Variants in PLXNA4 observed in about 807,000 individuals in gnomAD.
PLXNA4 encodes plexin A4, also known as plexin-A4.
A neutral mutation model predicts 191.8 loss-of-function variants in PLXNA4; 44 were observed. The observed-to-expected ratio is 0.23, with a 90% CI of 0.18 to 0.29. The LOEUF (loss-of-function observed/expected upper bound fraction) is 0.29, where lower values mean the gene tolerates loss of function less well. PLXNA4 is among the 10% of genes least tolerant of loss of function. The pLI, the probability that PLXNA4 is intolerant of heterozygous loss-of-function variation, is 1.00. For synonymous variants in PLXNA4, 1,082 were observed against 1,009.5 expected (o/e 1.07, Z -1.36); for missense variants, 1,800 against 2,488.8 (o/e 0.72, Z 5.89).
At chr7:132,280,983 C>T (rs919572350) in intron 4 of PLXNA4, among the ~76,000 whole-genome samples, 2 of 151,910 alleles carry the variant, frequency 1.3e-5, no homozygotes, top group African/African-American at 4.8e-5. Context: ...CATCATAGCA[C>T]TATCAAACCT....
chr7:132,168,165 C>T, intron 22 of PLXNA4, 139 bp downstream of exon 22: 1 of 1,276,046 alleles, frequency 7.8e-7, no homozygotes, highest in Non-Finnish European at 1.0e-6. Flanking sequence ...GCAATGTAGT[C>T]CTGGCTCTGG....
intron 3 of PLXNA4, among the ~76,000 whole-genome samples, chr7:132,463,269 T>C (rs973703824): frequency 6.6e-6 from 1 of 152,144 alleles, no homozygotes; most frequent in Admixed American, 6.6e-5. Flanking sequence ...TTGGAAGGTA[T>C]TATCCAGCAC....
chr7:132,204,123 C>T (rs1262700271), intron 10 of PLXNA4, among the ~76,000 whole-genome samples: 2 of 152,190 alleles, frequency 1.3e-5, no homozygotes, highest in Non-Finnish European at 2.9e-5. Context: ...CAAAGCCAGG[C>T]TCACGCCCAG....
intron 10 of PLXNA4, among the ~76,000 whole-genome samples, chr7:132,204,341 G>A (rs1797541817): frequency 1.3e-5 from 2 of 152,168 alleles, no homozygotes; most frequent in Admixed American, 6.5e-5. Context: ...TTAGCAGAGG[G>A]AACTTAGAGC....
intron 3 of PLXNA4, among the ~76,000 whole-genome samples, chr7:132,347,573 A>C (rs545203984): frequency 1.2e-3 from 181 of 152,328 alleles, no homozygotes; most frequent in Middle Eastern, 3.4e-3. Context: ...AAAGCCGTCC[A>C]AAATCGTTTG....
chr7:132,223,698 G>A (rs1798219020), intron 8 of PLXNA4, 57 bp from the exon 9 acceptor site: 8 of 1,410,932 alleles, frequency 5.7e-6, no homozygotes, highest in Non-Finnish European at 7.0e-6. Flanking sequence ...CCAAAGCAGA[G>A]GGCTTGAGTC....
At chr7:132,155,206 G>A (rs959165671) in intron 25 of PLXNA4, among the ~76,000 whole-genome samples, 3 of 152,154 alleles carry the variant, frequency 2.0e-5, no homozygotes, top group Non-Finnish European at 2.9e-5. Context: ...GTGGCAGAGG[G>A]GAGAGGAAAT....
intron 12 of PLXNA4, 69 bp downstream of exon 12, chr7:132,202,577 T>G (rs1584836498): frequency 1.5e-6 from 2 of 1,360,604 alleles, no homozygotes; most frequent in Non-Finnish European, 9.5e-7. Flanking sequence ...CTGGGCAGAG[T>G]TTCCACAGGG....
rs59714250 is a variant in PLXNA4 at position 132,522,344 on chromosome 7, C to T, written c.-86-13565G>A. Among the ~76,000 whole-genome samples the T allele has an allele frequency of 2.2e-3, 340 of 152,330 alleles. 1 individual carries two copies. Among genetic ancestry groups the T allele is most frequent in the African/African-American group, 7.9e-3 (327 of 41,566 alleles). The stretch of plus-strand genomic sequence containing the variant: ...ATGGCTCCAAACATATATGACCACC[C>T]CAACCCAACCCATTAGGATTATTGC... On this transcript the variant is annotated intron_variant, in intron 1 of 31. Coordinates refer to ENST00000321063, the MANE Select transcript of PLXNA4 (RefSeq NM_020911.2).
At chr7:132,427,517 G>A (rs1358565524) in intron 3 of PLXNA4, among the ~76,000 whole-genome samples, 1 of 152,198 alleles carries the variant, frequency 6.6e-6, no homozygotes, top group Non-Finnish European at 1.5e-5. Flanking sequence ...GACAATTGTG[G>A]GGGCCCTCAC....
chr7:132,436,675 A>G (rs1055289660), intron 3 of PLXNA4, among the ~76,000 whole-genome samples: 1 of 152,204 alleles, frequency 6.6e-6, no homozygotes, highest in Non-Finnish European at 1.5e-5. Context: ...AATTTCGGTG[A>G]TGGCTGCTGA....
intron 4 of PLXNA4, among the ~76,000 whole-genome samples, chr7:132,270,674 A>G (rs1800033079): frequency 6.6e-6 from 1 of 152,234 alleles, no homozygotes. Flanking sequence ...CAGTACTGCT[A>G]ATAAACCTGA....
intron 3 of PLXNA4, among the ~76,000 whole-genome samples, chr7:132,313,563 G>C (rs1046793049): frequency 2.6e-5 from 4 of 152,186 alleles, no homozygotes; most frequent in African/African-American, 4.8e-5. Context: ...GGCCCAAGGA[G>C]CAAGTTGAAG....
chr7:132,132,810 A>G (rs1795008431), intron 31 of PLXNA4, among the ~76,000 whole-genome samples: 1 of 152,222 alleles, frequency 6.6e-6, no homozygotes, highest in Non-Finnish European at 1.5e-5. Flanking sequence ...AAAAGACAAT[A>G]TAAAAGAAAC....
intron 30 of PLXNA4, among the ~76,000 whole-genome samples, chr7:132,134,271 C>T (rs1392285428): frequency 6.6e-6 from 1 of 152,198 alleles, no homozygotes; most frequent in African/African-American, 2.4e-5. Flanking sequence ...GTGTCTTTCC[C>T]AGCCCTATCC....
At chr7:132,489,976 G>A (rs1215879442) in intron 2 of PLXNA4, among the ~76,000 whole-genome samples, 2 of 152,234 alleles carry the variant, frequency 1.3e-5, no homozygotes, top group East Asian at 1.9e-4. Flanking sequence ...ACACACACAT[G>A]AGGACTCAAA....
chr7:132,223,653 G>T lies in PLXNA4; in HGVS notation c.1983-12C>A. ...CGCAGGACAGGCACCTGGGCACAGG[G>T]GAAGGGAGGCACAAATCTAAGAACC... On this transcript the variant is annotated splice_polypyrimidine_tract_variant and intron_variant, in intron 8 of 31. Coordinates refer to ENST00000321063, the MANE Select transcript of PLXNA4 (RefSeq NM_020911.2). 2 of 1,607,304 alleles carry T rather than the reference G, an allele frequency of 1.2e-6. No individual in the cohort carries two copies. The highest frequency in any genetic ancestry group is 1.1e-5 in the South Asian group (1 of 90,162).
At chr7:132,522,897 G>C (rs1799246461) in intron 1 of PLXNA4, among the ~76,000 whole-genome samples, 2 of 152,176 alleles carry the variant, frequency 1.3e-5, no homozygotes, top group South Asian at 4.1e-4. Context: ...TAACTGGGAA[G>C]AGAGAAAAGC....
intron 1 of PLXNA4, among the ~76,000 whole-genome samples, chr7:132,543,257 T>C (rs1038739527): frequency 1.2e-4 from 19 of 152,220 alleles, no homozygotes; most frequent in African/African-American, 4.3e-4. Flanking sequence ...TTGCAAAGGC[T>C]GGTTTACTTG....
Sources: gnomAD v4.1 joint callset for allele counts (sites outside exome capture counted in the v4.1 genomes callset) on GRCh38, gnomAD v4.1.1 for gene constraint, MANE v1.5 for transcripts, NCBI Gene and HGNC (gene_info 2026-07-23, HGNC 2026-07-21) for gene names.